The following MTF2 variants were observed in gnomAD, a reference collection of about 807,000 sequenced individuals.
The protein encoded by MTF2 is metal-response element-binding transcription factor 2.
In MTF2, 11 loss-of-function variants were observed where a neutral mutation model predicts 79.5. That is an observed-to-expected ratio of 0.14 (90% confidence interval 0.09 to 0.23). The LOEUF (loss-of-function observed/expected upper bound fraction) is 0.23, where lower values mean the gene tolerates loss of function less well. MTF2 is among the 10% of genes least tolerant of loss of function. The pLI is 1.00. For synonymous variants in MTF2, 208 were observed against 232.8 expected (o/e 0.89, Z 0.97); for missense variants, 486 against 711.2 (o/e 0.68, Z 3.60).
At chr1:93,121,449 T>A in intron 9 of MTF2, 1 of 945,054 alleles carries the variant, frequency 1.1e-6, no homozygotes, top group Non-Finnish European at 1.3e-6. Flanking sequence ...TATATCTTAG[T>A]CATGCTTTTT....
At chr1:93,080,000 G>T (rs1415998197) in intron 1 of MTF2, among the ~76,000 whole-genome samples, 1 of 152,042 alleles carries the variant, frequency 6.6e-6, no homozygotes, top group Admixed American at 6.6e-5. Flanking sequence ...CTTGGAATCG[G>T]AGGGTGGAAT....
At chr1:93,085,798 T>C (rs1362581306) in intron 1 of MTF2, among the ~76,000 whole-genome samples, 2 of 152,166 alleles carry the variant, frequency 1.3e-5, no homozygotes, top group South Asian at 4.1e-4. Flanking sequence ...GGGCCAACTT[T>C]TAGCATCCAT....
At chr1:93,103,939 G>A (rs113385351) in intron 1 of MTF2, among the ~76,000 whole-genome samples, 225 of 152,064 alleles carry the variant, frequency 1.5e-3, no homozygotes, top group African/African-American at 5.1e-3. Flanking sequence ...GCTTTTACAC[G>A]TTATTTATGT....
At chr1:93,095,103 C>A (rs1014381058) in intron 1 of MTF2, among the ~76,000 whole-genome samples, 1 of 152,052 alleles carries the variant, frequency 6.6e-6, no homozygotes, top group African/African-American at 2.4e-5. Flanking sequence ...CATTATAGCT[C>A]ACTGCTGCCT....
chr1:93,085,212 G>A lies in MTF2; in HGVS notation c.5+5681G>A, dbSNP rs531387645. Among the ~76,000 whole-genome samples, 29 of 146,776 alleles carry A rather than the reference G, an allele frequency of 2.0e-4. 1 individual carries two copies. The highest frequency in any genetic ancestry group is 6.2e-4 in the Admixed American group (9 of 14,596). On this transcript the variant is annotated intron_variant, in intron 1 of 14. Transcript: ENST00000370298. ...TTCTTTCTTTTTTTTTTTTTGAAAC[G>A]GAGTCCAGGCTGGAGTGCAGTGGCA...
intron 14 of MTF2, 123 bp downstream of exon 14, chr1:93,134,318 T>G (rs186313739): frequency 6.5e-5 from 45 of 696,102 alleles, no homozygotes; most frequent in Admixed American, 3.9e-4. Flanking sequence ...ATCAGCTTTT[T>G]GAGAGGTAAT....
intron 9 of MTF2, among the ~76,000 whole-genome samples, chr1:93,125,715 GA>G (rs1363880690): frequency 6.6e-6 from 1 of 151,910 alleles, no homozygotes; most frequent in Non-Finnish European, 1.5e-5. Context: ...GGGGAGGGGG[GA>G]CCAGGAAGAA....
intron 6 of MTF2, among the ~76,000 whole-genome samples, chr1:93,116,501 A>ATTTTTTTTTT (rs34058324): frequency 8.3e-6 from 1 of 120,444 alleles, no homozygotes; most frequent in African/African-American, 3.4e-5. Context: ...CCATTGTAAG[A>ATTTTTTTTTT]TTTTTTTTTT....
intron 9 of MTF2, among the ~76,000 whole-genome samples, chr1:93,125,311 T>G (rs958657291): frequency 2.6e-4 from 40 of 151,644 alleles, no homozygotes; most frequent in Middle Eastern, 6.8e-3. Context: ...TGTTTTTTTT[T>G]TTTTTTTTTT....
At chr1:93,101,167 T>G (rs1218126257) in intron 1 of MTF2, among the ~76,000 whole-genome samples, 1 of 152,142 alleles carries the variant, frequency 6.6e-6, no homozygotes, top group African/African-American at 2.4e-5. Flanking sequence ...TGAATCAGGG[T>G]CTTACTTATT....
intron 9 of MTF2, chr1:93,120,894 G>A: frequency 1.6e-6 from 2 of 1,217,114 alleles, no homozygotes; most frequent in South Asian, 2.2e-5. Flanking sequence ...AGAAGGAGGA[G>A]GTATATTATT....
chr1:93,101,524 A>G (rs528238861), intron 1 of MTF2, among the ~76,000 whole-genome samples: 22 of 132,044 alleles, frequency 1.7e-4, no homozygotes, highest in African/African-American at 5.5e-4. Flanking sequence ...AAATTTTTTA[A>G]AAATTTTCTG....
At chr1:93,136,167 G>A (rs977816438) in intron 14 of MTF2, among the ~76,000 whole-genome samples, 2 of 152,164 alleles carry the variant, frequency 1.3e-5, no homozygotes, top group Admixed American at 1.3e-4. Flanking sequence ...TACTCTGACT[G>A]CTAGTTTGTG....
At chr1:93,109,026 G>A (rs1452757685) in intron 1 of MTF2, among the ~76,000 whole-genome samples, 2 of 152,092 alleles carry the variant, frequency 1.3e-5, no homozygotes, top group African/African-American at 2.4e-5. Flanking sequence ...ATTGAAGTTA[G>A]ATATTCCTAA....
rs992770684 is a variant in MTF2, at chr1:93,121,854, T to G, written c.921+1182T>G. ...TCTTGCTCTGTCACCCAGGCTGGAGTGCAATGGCGTGATCTCAGCTCACCG... is the reference window on the plus strand; with the variant it reads ...TCTTGCTCTGTCACCCAGGCTGGAGGGCAATGGCGTGATCTCAGCTCACCG... On this transcript the variant is annotated intron_variant, in intron 9 of 14. Coordinates refer to ENST00000370298, the MANE Select transcript of MTF2 (RefSeq NM_007358.4). The G allele has an allele frequency of 1.8e-5, 10 of 570,370 alleles. No homozygotes were observed. The African/African-American group carries it at 2.1e-4, about 12-fold the overall frequency. The allele number at this position is 570,370 out of a possible 1,614,324, so 35.3% of individuals were successfully genotyped here.
At chr1:93,085,196 T>C (rs1176724674) in intron 1 of MTF2, among the ~76,000 whole-genome samples, 1 of 151,174 alleles carries the variant, frequency 6.6e-6, no homozygotes, top group Non-Finnish European at 1.5e-5. Context: ...TTTCTTTCTT[T>C]TTTTTTTTTT....
At chr1:93,131,558 T>TCCTGAA (rs2101094275) in intron 11 of MTF2, among the ~76,000 whole-genome samples, 1 of 152,230 alleles carries the variant, frequency 6.6e-6, no homozygotes, top group Admixed American at 6.5e-5. Context: ...GAAACTATCT[T>TCCTGAA]TAAGGATCCT....
chr1:93,094,658 C>A (rs1444008979), intron 1 of MTF2, among the ~76,000 whole-genome samples: 2 of 151,876 alleles, frequency 1.3e-5, no homozygotes, highest in Non-Finnish European at 2.9e-5. Context: ...TAGAGGCTTA[C>A]CAGGTTCAGG....
intron 11 of MTF2, among the ~76,000 whole-genome samples, chr1:93,133,111 CCCTGAGAATAT>C (rs1173368404): frequency 6.6e-6 from 1 of 151,976 alleles, no homozygotes; most frequent in Non-Finnish European, 1.5e-5. Flanking sequence ...TTGAATGACT[CCCTGAGAATAT>C]GAAGGATTTC....
Sources: allele counts gnomAD v4.1 joint callset (sites outside exome capture counted in the v4.1 genomes callset), GRCh38; gene constraint gnomAD v4.1.1; transcripts MANE v1.5; gene names NCBI Gene and HGNC (gene_info 2026-07-23, HGNC 2026-07-21).